UNC79: variants seen among roughly 807,000 people sequenced by gnomAD.
UNC79 encodes unc-79 subunit of NALCN channel complex, also known as protein unc-79 homolog.
A neutral mutation model predicts 283.1 loss-of-function variants in UNC79; 37 were observed. The observed-to-expected ratio is 0.13, with a 90% CI of 0.10 to 0.17. UNC79 has a LOEUF of 0.17. Ranked by LOEUF, UNC79 falls within the 10% of genes least tolerant of loss-of-function variation. UNC79 has a pLI of 1.00. For synonymous variants in UNC79, 1,107 were observed against 1,200.2 expected, an observed-to-expected ratio of 0.92 and a Z score of 1.61; for missense variants, 2,272 against 3,211.1, an observed-to-expected ratio of 0.71 and a Z score of 7.07.
intron 1 of UNC79, among the ~76,000 whole-genome samples, chr14:93,445,183 A>C (rs2056427401): frequency 6.6e-6 from 1 of 152,228 alleles, no homozygotes; most frequent in African/African-American, 2.4e-5. Context: ...TTTGGTGAGT[A>C]GTTTAAAAAA....
intron 5 of UNC79, among the ~76,000 whole-genome samples, chr14:93,494,058 C>A (rs2058896310): frequency 6.6e-6 from 1 of 151,488 alleles, no homozygotes; most frequent in East Asian, 1.9e-4. Flanking sequence ...CACCCACCAC[C>A]ACACCCAGCT....
intron 47 of UNC79, among the ~76,000 whole-genome samples, chr14:93,703,976 G>A (rs2075703875): frequency 6.6e-6 from 1 of 152,152 alleles, no homozygotes; most frequent in South Asian, 2.1e-4. Flanking sequence ...AGCTTCTGGA[G>A]GTCCTCAGGC....
At chr14:93,380,890 T>C (rs765861105) in intron 1 of UNC79, among the ~76,000 whole-genome samples, 10 of 152,170 alleles carry the variant, frequency 6.6e-5, no homozygotes, top group Non-Finnish European at 1.3e-4. Flanking sequence ...ATGTATGAAA[T>C]TAATATAGTT....
exon 2 of UNC79, chr14:93,467,760 A>G: frequency 1.3e-6 from 2 of 1,500,630 alleles, no homozygotes; most frequent in Non-Finnish European, 1.8e-6. Context: ...TATTGCAAAC[A>G]CCTTGAAATA....
intron 13 of UNC79, among the ~76,000 whole-genome samples, chr14:93,542,148 G>T (rs762255992): frequency 6.6e-6 from 1 of 151,970 alleles, no homozygotes; most frequent in Non-Finnish European, 1.5e-5. Context: ...TTTCATTGAG[G>T]ATATTGATGA....
At chr14:93,477,832 A>G in intron 4 of UNC79, 104 bp downstream of exon 4, 1 of 1,076,688 alleles carries the variant, frequency 9.3e-7, no homozygotes, top group Non-Finnish European at 1.3e-6. Context: ...TAATGGAATC[A>G]CTTGATATAT....
At chr14:93,467,359 G>A (rs1055532726) in intron 1 of UNC79, among the ~76,000 whole-genome samples, 5 of 151,872 alleles carry the variant, frequency 3.3e-5, no homozygotes, top group Non-Finnish European at 7.4e-5. Context: ...AAAACAATTT[G>A]GAGTACTGCT....
chr14:93,526,903 G>A (rs1413600176), intron 8 of UNC79, among the ~76,000 whole-genome samples: 2 of 152,122 alleles, frequency 1.3e-5, no homozygotes, highest in African/African-American at 2.4e-5. Flanking sequence ...TCCACATGGG[G>A]GGCATGGGAA....
intron 19 of UNC79, among the ~76,000 whole-genome samples, chr14:93,581,450 G>A (rs901729979): frequency 6.7e-6 from 1 of 149,242 alleles, no homozygotes; most frequent in Non-Finnish European, 1.5e-5. Flanking sequence ...TGGGATTACA[G>A]GCATGAACCA....
chr14:93,425,185 C>T (rs2055696962), intron 1 of UNC79, among the ~76,000 whole-genome samples: 1 of 152,126 alleles, frequency 6.6e-6, no homozygotes, highest in African/African-American at 2.4e-5. Context: ...GAAGCAAACA[C>T]ATCCTTCATC....
Position 93,622,634 on chromosome 14 carries a change from G to A in UNC79, c.5401G>A (p.Glu1801Lys), listed in dbSNP as rs762001442. 4.3e-6 allele frequency: 7 copies of A among 1,614,204 alleles called. No homozygotes were observed. The East Asian group carries it at 8.9e-5, about 21-fold the overall frequency. ...AGATGCAGAGAACCCCACAGAAAGT[G>A]AGAAGCCTGATACCAGTGCAGAATC... The change falls in exon 30 of 49, where the codon GAG (glutamate) becomes AAG (lysine). Residue 1801 changes from glutamate (E) to lysine (K), a missense_variant. Around this residue, in one of 11 missense-constraint regions of UNC79, gnomAD observed 580 missense variants for 632.2 expected, o/e 0.92. Transcript: ENST00000555664.
chr14:93,401,532 G>A (rs1006102574), intron 1 of UNC79, among the ~76,000 whole-genome samples: 1 of 152,204 alleles, frequency 6.6e-6, no homozygotes, highest in African/African-American at 2.4e-5. Context: ...TTTCAGGTTT[G>A]AGTAGTGCTC....
chr14:93,613,204 T>A (rs2066432168), intron 27 of UNC79, 121 bp downstream of exon 28: 2 of 1,290,054 alleles, frequency 1.6e-6, no homozygotes, highest in African/African-American at 3.0e-5. Flanking sequence ...CTTGGTATTA[T>A]GCAGGAGTAT....
intron 1 of UNC79, among the ~76,000 whole-genome samples, chr14:93,375,521 C>T (rs1175496540): frequency 6.6e-6 from 1 of 152,036 alleles, no homozygotes; most frequent in African/African-American, 2.4e-5. Flanking sequence ...TAAAGAAATA[C>T]CTGAGACTGG....
At chr14:93,438,966 A>AT (rs1428751794) in intron 1 of UNC79, among the ~76,000 whole-genome samples, 1 of 151,080 alleles carries the variant, frequency 6.6e-6, no homozygotes, top group Non-Finnish European at 1.5e-5. Context: ...TTCTTTCGTC[A>AT]TTTTTTGCCA....
At chr14:93,413,351 T>C (rs902935904) in intron 1 of UNC79, among the ~76,000 whole-genome samples, 2 of 152,076 alleles carry the variant, frequency 1.3e-5, no homozygotes, top group Non-Finnish European at 2.9e-5. Context: ...ACAAAGGACA[T>C]GAACTCATCA....
chr14:93,389,380 G>T (rs573073849), intron 1 of UNC79, among the ~76,000 whole-genome samples: 19 of 152,258 alleles, frequency 1.2e-4, no homozygotes, highest in African/African-American at 4.6e-4. Flanking sequence ...CTGCTTTGAG[G>T]CATTGTCCAA....
intron 7 of UNC79, among the ~76,000 whole-genome samples, chr14:93,518,099 A>G (rs1422957759): frequency 6.6e-6 from 1 of 152,116 alleles, no homozygotes; most frequent in Non-Finnish European, 1.5e-5. Context: ...CCATTTACAG[A>G]GTAATACTGA....
At chr14:93,626,527 A>G (rs2067581657) in intron 30 of UNC79, among the ~76,000 whole-genome samples, 1 of 152,156 alleles carries the variant, frequency 6.6e-6, no homozygotes, top group Admixed American at 6.5e-5. Flanking sequence ...AAACAAACAA[A>G]AGCACTTGAT....
Sources: allele counts gnomAD v4.1 joint callset (sites outside exome capture counted in the v4.1 genomes callset), GRCh38; gene constraint gnomAD v4.1.1; regional missense constraint gnomAD v4.1.1; transcripts MANE v1.5; gene names NCBI Gene and HGNC (gene_info 2026-07-23, HGNC 2026-07-21).